The following KCNS2 variants were observed in gnomAD, a reference collection of about 807,000 sequenced individuals.
The protein encoded by KCNS2 is potassium voltage-gated channel modifier subfamily S member 2.
A neutral mutation model predicts 28.3 loss-of-function variants in KCNS2; 15 were observed. That is an observed-to-expected ratio of 0.53 (90% CI 0.35 to 0.82). The LOEUF (loss-of-function observed/expected upper bound fraction) is 0.82, where lower values mean the gene tolerates loss of function less well. Ranked by LOEUF, KCNS2 falls within the 40% of genes least tolerant of loss-of-function variation. The pLI is 0.01. For missense variants in KCNS2, 501 were observed against 617.1 expected, an observed-to-expected ratio of 0.81 and a Z score of 1.99; for synonymous variants, 254 against 256.7, an observed-to-expected ratio of 0.99 and a Z score of 0.10.
chr8:98,429,692 C>A lies in KCNS2; in HGVS notation c.*279C>A. ...CACCTTTTTGCCAGATGAGTACACCCAGAATGCTAATTTTTCTGTCCATCG... is the reference window on the plus strand; with the variant it reads ...CACCTTTTTGCCAGATGAGTACACCAAGAATGCTAATTTTTCTGTCCATCG... On this transcript the variant is annotated 3_prime_UTR_variant, in exon 2 of 2. Transcript: ENST00000287042. The A allele has an allele frequency of 4.9e-6, 2 of 412,318 alleles. No homozygotes were observed. Among genetic ancestry groups the A allele is most frequent in the Non-Finnish European group, 9.0e-6 (2 of 222,842 alleles). The allele number at this position is 412,318 out of a possible 1,614,324, so 25.5% of individuals were successfully genotyped here.
chr8:98,431,363 A>T lies in KCNS2; in HGVS notation c.*1950A>T, dbSNP rs1213232769. 1 of 167,104 alleles carries T rather than the reference A, an allele frequency of 6.0e-6. No homozygotes were observed. Among genetic ancestry groups the T allele is most frequent in the Non-Finnish European group, 1.5e-5 (1 of 68,122 alleles). The allele number at this position is 167,104 out of a possible 1,614,324, so 10.4% of individuals were successfully genotyped here. On this transcript the variant is annotated 3_prime_UTR_variant, in exon 2 of 2. Transcript: ENST00000287042. The stretch of plus-strand genomic sequence containing the variant: ...GTGTCTACATCCGTGTCTCTGAAGC[A>T]TCAGGAAAAGTGAGATGACTTAGAG...
At position 98,432,644 on chromosome 8, in the gene KCNS2, TA is replaced by T. The variant is rs1818353146; in HGVS notation, c.*3233del. On this transcript the variant is annotated 3_prime_UTR_variant, in exon 2 of 2. Transcript: ENST00000287042. ...AATTCTTGCCGCATTTCAAAGAAAA[TA>T]AGTTGTTATGCACTTTGGGATAGTG... 1 of 167,110 alleles carries T rather than the reference TA, an allele frequency of 6.0e-6. No individual in the cohort carries two copies. The highest frequency in any genetic ancestry group is 6.5e-5 in the Admixed American group (1 of 15,282). 10.4% of individuals were successfully genotyped at this position (167,110 alleles called of 1,614,324 possible).
In KCNS2 at chr8:98,429,072, T is replaced by C; in HGVS notation, c.1093T>C (p.Trp365Arg). The part of the protein sequence containing the change: ...NEGLATIPAC[W>R]WWATVSMTTV... Reference sequence around the variant, plus strand: ...GGGCCTGGCCACCATCCCTGCCTGCTGGTGGTGGGCTACCGTCAGTATGAC... The same window carrying C: ...GGGCCTGGCCACCATCCCTGCCTGCCGGTGGTGGGCTACCGTCAGTATGAC... The change falls in exon 2 of 2, where the codon TGG becomes CGG. Residue 365 changes from tryptophan (W) to arginine (R), a missense_variant. Physicochemically the swap from Trp to Arg is moderately radical, Grantham distance 101 (BLOSUM62 -3). Coordinates refer to ENST00000287042, the MANE Select transcript of KCNS2 (RefSeq NM_020697.4). 1 of 1,613,266 alleles carries C rather than the reference T, an allele frequency of 6.2e-7. No homozygotes were observed. The highest frequency in any genetic ancestry group is 1.1e-5 in the South Asian group (1 of 91,024).
rs1160496881 is a variant in KCNS2 at position 98,429,176 on chromosome 8, C to T, written c.1197C>T (p.Ile399=). Residue 399 remains isoleucine, a synonymous_variant, in exon 2 of 2, where the codon ATC becomes ATT. Transcript: ENST00000287042. ...CCTCTGCCTGCATCTTGGCAGGCAT[C>T]CTCGTGGTGGTCCTGCCCATCACCT... ...LTASACILAG[I]LVVVLPITLI... 1 of 1,613,612 alleles carries T rather than the reference C, an allele frequency of 6.2e-7. No individual in the cohort carries two copies. The highest frequency in any genetic ancestry group is 8.5e-7 in the Non-Finnish European group (1 of 1,179,770).
rs769562533 is a variant in KCNS2, at chr8:98,428,446, A to G, written c.467A>G (p.Asn156Ser). ...SSFDEILAFY[N>S]DASKFDGQPL... The stretch of plus-strand genomic sequence containing the variant: ...TTCGATGAGATCCTTGCCTTCTACA[A>G]CGACGCCTCCAAGTTCGATGGGCAG... The change falls in exon 2 of 2, where the codon AAC (asparagine) becomes AGC (serine). Residue 156 changes from asparagine (N) to serine (S), a missense_variant. By Grantham distance (46) the Asn-to-Ser change is conservative. Coordinates refer to ENST00000287042, the MANE Select transcript of KCNS2 (RefSeq NM_020697.4). This position sits in a 1 kb window ranked among gnomAD's most constrained non-coding sequence, Gnocchi z 6.7. The G allele has an allele frequency of 1.9e-6, 3 of 1,614,086 alleles. No individual in the cohort carries two copies. Among genetic ancestry groups the G allele is most frequent in the Non-Finnish European group, 2.5e-6 (3 of 1,180,026 alleles).
chr8:98,428,879 G>A lies in KCNS2; in HGVS notation c.900G>A (p.Met300Ile). ...GGGTGGCCCAGGTCCTGAGGCTGATGCGGATCTTCCGCATCTTAAAGCTGG... is the reference window on the plus strand; with the variant it reads ...GGGTGGCCCAGGTCCTGAGGCTGATACGGATCTTCCGCATCTTAAAGCTGG... ...LGRVAQVLRL[M>I]RIFRILKLAR... Residue 300 changes from methionine (M) to isoleucine (I), a missense_variant, in exon 2 of 2, where the codon ATG becomes ATA. By Grantham distance (10) the Met-to-Ile change is conservative (BLOSUM62 1). Transcript: ENST00000287042. The surrounding 1 kb of genome is among the most constrained non-coding windows in gnomAD (Gnocchi z 6.7). 1.9e-6 allele frequency: 3 copies of A among 1,614,210 alleles called. No homozygotes were observed. The highest frequency in any genetic ancestry group is 2.5e-6 in the Non-Finnish European group (3 of 1,180,048).
rs896415506 is a variant in KCNS2, at chr8:98,432,235, T to A, written c.*2822T>A. On this transcript the variant is annotated 3_prime_UTR_variant, in exon 2 of 2. Coordinates refer to ENST00000287042, the MANE Select transcript of KCNS2 (RefSeq NM_020697.4). Reference sequence around the variant, plus strand: ...ATCTTTGGCAACCAGGCTGTCAGACTGACCTGTAAACCTCCTTTAGGGGGA... The same window carrying A: ...ATCTTTGGCAACCAGGCTGTCAGACAGACCTGTAAACCTCCTTTAGGGGGA... 7.2e-5 allele frequency: 12 copies of A among 167,014 alleles called. No homozygotes were observed. Among genetic ancestry groups the A allele is most frequent in the African/African-American group, 2.7e-4 (11 of 41,482 alleles). 10.3% of individuals were successfully genotyped at this position (167,014 alleles called of 1,614,324 possible).
In KCNS2 at chr8:98,432,765, T is replaced by A. The variant is rs1818355008; in HGVS notation, c.*3352T>A. 5.4e-5 allele frequency: 9 copies of A among 167,068 alleles called. No individual in the cohort carries two copies. In the Admixed American group the frequency reaches 5.9e-4, roughly 11 times the overall value. 10.3% of individuals were successfully genotyped at this position (167,068 alleles called of 1,614,324 possible). ...TGACTTCTTACAGAGCTGTAATTTT[T>A]AAAATTGAGGATGCCATATTTGAGA... On this transcript the variant is annotated 3_prime_UTR_variant, in exon 2 of 2. Coordinates refer to ENST00000287042, the MANE Select transcript of KCNS2 (RefSeq NM_020697.4).
At chr8:98,427,912 G>C in intron 1 of KCNS2, 26 bp from the exon 2 acceptor site, 1 of 1,352,250 alleles carries the variant, frequency 7.4e-7, no homozygotes. Context: ...CGGCGCTCTC[G>C]CCGACGCTGT....
rs1327294886 is a variant in KCNS2, at chr8:98,431,803, G to A, written c.*2390G>A. 6.0e-6 allele frequency: 1 copy of A among 167,030 alleles called. No homozygotes were observed. The highest frequency in any genetic ancestry group is 6.5e-5 in the Admixed American group (1 of 15,276). 10.3% of individuals were successfully genotyped at this position (167,030 alleles called of 1,614,324 possible). On this transcript the variant is annotated 3_prime_UTR_variant, in exon 2 of 2. Transcript: ENST00000287042. Reference sequence around the variant, plus strand: ...ATTTATCTGGTGCCTTTCGTTGGAGGAATCCCAACGTGCTTTAGAGACTAT... The same window carrying A: ...ATTTATCTGGTGCCTTTCGTTGGAGAAATCCCAACGTGCTTTAGAGACTAT...
rs1171136504 is a variant in KCNS2, at chr8:98,428,209, T to C, written c.230T>C (p.Leu77Pro). ...TTCTACTTCGACCGCAACCCTGAGC[T>C]CTTCCCCTACGTGCTGCATTTCTAT... The part of the protein sequence containing the change: ...REFYFDRNPE[L>P]FPYVLHFYHT... The change falls in exon 2 of 2, where the codon CTC becomes CCC. Residue 77 changes from leucine to proline, a missense_variant. Physicochemically the swap from Leu to Pro is moderately conservative, Grantham distance 98. Transcript: ENST00000287042. This position sits in a 1 kb window ranked among gnomAD's most constrained non-coding sequence, Gnocchi z 6.7. 3 of 1,613,994 alleles carry C rather than the reference T, an allele frequency of 1.9e-6. No individual in the cohort carries two copies. The South Asian group carries it at 3.3e-5, about 18-fold the overall frequency.
intron 1 of KCNS2, 147 bp from the exon 2 acceptor site, chr8:98,427,791 G>C (rs1298148575): frequency 1.7e-6 from 1 of 579,460 alleles, no homozygotes; most frequent in African/African-American, 1.9e-5. Context: ...CCTGGGAGGG[G>C]ATCAGACCCC....
Position 98,427,984 on chromosome 8 carries a change from C to A in KCNS2, c.5C>A (p.Thr2Asn), listed in dbSNP as rs773390011. ...CGGGCGGCCGGCGCCTCCAGCATGA[C>A]CGGCCAGAGCCTGTGGGACGTGTCG... The part of the protein sequence containing the change: M[T>N]GQSLWDVSEA... Residue 2 changes from threonine (T) to asparagine (N), a missense_variant, in exon 2 of 2, where the codon ACC becomes AAC. Thr to Asn is a moderately conservative substitution (Grantham distance 65). Coordinates refer to ENST00000287042, the MANE Select transcript of KCNS2 (RefSeq NM_020697.4). 5.9e-6 allele frequency: 9 copies of A among 1,534,544 alleles called. No individual in the cohort carries two copies. In the South Asian group the frequency reaches 9.7e-5, roughly 17 times the overall value.
rs1249824596 is a variant in KCNS2, at chr8:98,427,065, G to A, written c.-307G>A. On this transcript the variant is annotated 5_prime_UTR_variant, in exon 1 of 2. Transcript: ENST00000287042. ...CGGGTTCCTGCCTCTCTGGGTGGGTGAGGGGCGCGCGGATCCGGAGAGGGG... is the reference window on the plus strand; with the variant it reads ...CGGGTTCCTGCCTCTCTGGGTGGGTAAGGGGCGCGCGGATCCGGAGAGGGG... 5 of 150,628 alleles carry A rather than the reference G, an allele frequency of 3.3e-5. No homozygotes were observed. The highest frequency in any genetic ancestry group is 7.4e-5 in the Non-Finnish European group (5 of 67,408). 9.3% of individuals were successfully genotyped at this position (150,628 alleles called of 1,614,324 possible).
intron 1 of KCNS2, 48 bp from the exon 2 acceptor site, chr8:98,427,890 C>G (rs889741140): frequency 2.7e-5 from 32 of 1,191,766 alleles, no homozygotes; most frequent in Admixed American, 2.3e-4. Flanking sequence ...GAGGGGGCCC[C>G]GCCAGGGCGC....
rs1818354624 is a variant in KCNS2, at chr8:98,432,738, C to A, written c.*3325C>A. The A allele has an allele frequency of 6.0e-6, 1 of 167,076 alleles. No individual in the cohort carries two copies. The highest frequency in any genetic ancestry group is 1.5e-5 in the Non-Finnish European group (1 of 68,124). 10.3% of individuals were successfully genotyped at this position (167,076 alleles called of 1,614,324 possible). A position where few individuals can be genotyped will look rare whatever the true frequency, so the allele number is the denominator to read the frequency against. On this transcript the variant is annotated 3_prime_UTR_variant, in exon 2 of 2. Coordinates refer to ENST00000287042, the MANE Select transcript of KCNS2 (RefSeq NM_020697.4). ...TGGTATTTCTTGTGTGTTTTAACAG[C>A]ATGACTTCTTACAGAGCTGTAATTT...
In KCNS2 at chr8:98,428,247, C is replaced by T. The variant is rs749707358; in HGVS notation, c.268C>T (p.Leu90Phe). 6.2e-7 allele frequency: 1 copy of T among 1,614,026 alleles called. No homozygotes were observed. The highest frequency in any genetic ancestry group is 8.5e-7 in the Non-Finnish European group (1 of 1,180,036). Reference protein sequence around the residue: ...YVLHFYHTGKLHVMAELCVFS... With the variant: ...YVLHFYHTGKFHVMAELCVFS... The stretch of plus-strand genomic sequence containing the variant: ...GCTGCATTTCTATCACACCGGCAAG[C>T]TTCACGTCATGGCTGAGCTATGTGT... Residue 90 changes from leucine to phenylalanine, a missense_variant, in exon 2 of 2, where the codon CTT becomes TTT. Physicochemically the swap from Leu to Phe is conservative, Grantham distance 22 (BLOSUM62 0). Coordinates refer to ENST00000287042, the MANE Select transcript of KCNS2 (RefSeq NM_020697.4). This position sits in a 1 kb window ranked among gnomAD's most constrained non-coding sequence, Gnocchi z 6.7.
Position 98,428,901 on chromosome 8 carries a change from C to T in KCNS2, c.922C>T (p.Leu308=). ...GATGCGGATCTTCCGCATCTTAAAG[C>T]TGGCCAGGCACTCCACTGGCCTCCG... The part of the protein sequence containing the change: ...RLMRIFRILK[L]ARHSTGLRSL... Residue 308 remains leucine, a synonymous_variant, in exon 2 of 2, where the codon CTG becomes TTG. Coordinates refer to ENST00000287042, the MANE Select transcript of KCNS2 (RefSeq NM_020697.4). This position sits in a 1 kb window ranked among gnomAD's most constrained non-coding sequence, Gnocchi z 6.7. 1.9e-6 allele frequency: 3 copies of T among 1,614,212 alleles called. No individual in the cohort carries two copies. The highest frequency in any genetic ancestry group is 2.5e-6 in the Non-Finnish European group (3 of 1,180,042).
chr8:98,428,009 G>C lies in KCNS2; in HGVS notation c.30G>C (p.Ser10=), dbSNP rs184683445. 34 of 1,585,148 alleles carry C rather than the reference G, an allele frequency of 2.1e-5. No individual in the cohort carries two copies. Among genetic ancestry groups the C allele is most frequent in the Non-Finnish European group, 2.8e-5 (33 of 1,164,520 alleles). MTGQSLWDV[S]EANVEDGEIR... ...CCGGCCAGAGCCTGTGGGACGTGTC[G>C]GAGGCTAACGTCGAGGACGGGGAGA... The change falls in exon 2 of 2, where the codon TCG becomes TCC. Residue 10 remains serine (S), a synonymous_variant. Transcript: ENST00000287042. This position sits in a 1 kb window ranked among gnomAD's most constrained non-coding sequence, Gnocchi z 6.7.
Sources: gnomAD v4.1 joint callset for allele counts on GRCh38, gnomAD v4.1.1 for gene constraint, Gnocchi (gnomAD v3.1) non-coding constraint, MANE v1.5 for transcripts, NCBI Gene and HGNC (gene_info 2026-07-23, HGNC 2026-07-21) for gene names.